Variants in TMEM163 observed in about 807,000 individuals in gnomAD.
TMEM163 encodes transmembrane protein 163.
In TMEM163, 17 loss-of-function variants were observed where a neutral mutation model predicts 29.3. The ratio of observed to expected loss-of-function variants is 0.58; its 90% CI spans 0.40 to 0.87. TMEM163 has a LOEUF of 0.87. TMEM163 is among the 40% of genes least tolerant of loss of function. The probability of loss-of-function intolerance (pLI) is 0.00; values close to 1 mark genes in which losing one functional copy is unlikely to be tolerated. For synonymous variants in TMEM163, 157 were observed against 160.6 expected (o/e 0.98, Z 0.17); for missense variants, 303 against 381.5 (o/e 0.79, Z 1.71).
At chr2:134,530,889 C>T (rs923730568) in intron 4 of TMEM163, among the ~76,000 whole-genome samples, 8 of 152,302 alleles carry the variant, frequency 5.3e-5, no homozygotes, top group Middle Eastern at 3.4e-3. Context: ...GCACACACAA[C>T]ACACACCCTT....
intron 2 of TMEM163, among the ~76,000 whole-genome samples, chr2:134,665,985 C>A (rs939262714): frequency 1.3e-5 from 2 of 152,196 alleles, no homozygotes; most frequent in Non-Finnish European, 2.9e-5. Flanking sequence ...AAGCCTCTTT[C>A]TTAATGATGT....
intron 2 of TMEM163, among the ~76,000 whole-genome samples, chr2:134,572,415 C>T (rs1681452754): frequency 6.6e-6 from 1 of 152,184 alleles, no homozygotes; most frequent in Non-Finnish European, 1.5e-5. Flanking sequence ...AATATTCTAC[C>T]ACTATCCCTC....
chr2:134,676,555 T>C (rs906880754), intron 2 of TMEM163, among the ~76,000 whole-genome samples: 5 of 152,300 alleles, frequency 3.3e-5, no homozygotes, highest in African/African-American at 4.8e-5. Context: ...TCAATGGTTT[T>C]TAGTGTATTC....
chr2:134,566,788 T>G (rs1032485291), intron 2 of TMEM163, among the ~76,000 whole-genome samples: 4 of 152,198 alleles, frequency 2.6e-5, no homozygotes, highest in African/African-American at 9.7e-5. Flanking sequence ...TTATTACAGA[T>G]GTATAACAAC....
intron 2 of TMEM163, among the ~76,000 whole-genome samples, chr2:134,612,920 C>T (rs1435317323): frequency 3.9e-5 from 6 of 152,180 alleles, no homozygotes; most frequent in Non-Finnish European, 5.9e-5. Context: ...TTAATAAAAA[C>T]TGTCTCAGAG....
At chr2:134,535,226 T>G (rs1483625293) in intron 4 of TMEM163, among the ~76,000 whole-genome samples, 5 of 152,178 alleles carry the variant, frequency 3.3e-5, no homozygotes, top group African/African-American at 1.2e-4. Flanking sequence ...ACAGGTGACT[T>G]CCACGCCACT....
intron 2 of TMEM163, among the ~76,000 whole-genome samples, chr2:134,628,748 G>T (rs1574292540): frequency 6.6e-6 from 1 of 152,328 alleles, no homozygotes; most frequent in East Asian, 1.9e-4. Context: ...TGTGCCATGT[G>T]CCGTCTCCCT....
rs1227187806 is a variant in TMEM163 at position 134,706,101 on chromosome 2, A to T, written c.322+7099T>A. The stretch of plus-strand genomic sequence containing the variant: ...CACTCCTGGCTGGAAACAGCAGCCC[A>T]CTGTGAGCGGAGACTCAGGAAGATG... On this transcript the variant is annotated intron_variant, in intron 2 of 7. Transcript: ENST00000281924. 2.0e-5 allele frequency among the ~76,000 whole-genome samples: 3 copies of T among 152,212 alleles called. No individual in the cohort carries two copies. In the East Asian group the frequency reaches 5.8e-4, roughly 29 times the overall value.
intron 4 of TMEM163, among the ~76,000 whole-genome samples, chr2:134,525,230 C>T (rs1463434641): frequency 6.6e-6 from 1 of 152,206 alleles, no homozygotes; most frequent in Non-Finnish European, 1.5e-5. Context: ...TCTGCATCAC[C>T]TGGGAGCTTG....
intron 2 of TMEM163, among the ~76,000 whole-genome samples, chr2:134,666,914 G>A (rs761388912): frequency 2.0e-5 from 3 of 152,120 alleles, no homozygotes; most frequent in Non-Finnish European, 4.4e-5. Flanking sequence ...CAGAGACATC[G>A]TCCTGGGAGG....
intron 2 of TMEM163, among the ~76,000 whole-genome samples, chr2:134,617,299 A>G (rs552845538): frequency 6.6e-6 from 1 of 152,342 alleles, no homozygotes. Context: ...AGAAACACTC[A>G]ATAAGTGGAG....
intron 4 of TMEM163, among the ~76,000 whole-genome samples, chr2:134,539,704 A>G (rs1049962001): frequency 1.5e-4 from 23 of 152,262 alleles, no homozygotes; most frequent in African/African-American, 5.3e-4. Context: ...GCAAAATCAA[A>G]TAGAATTTTC....
chr2:134,690,994 C>T (rs1008819660), intron 2 of TMEM163, among the ~76,000 whole-genome samples: 1 of 152,112 alleles, frequency 6.6e-6, no homozygotes, highest in South Asian at 2.1e-4. Flanking sequence ...GGTGACAAAA[C>T]GGAGGAGATC....
chr2:134,685,519 A>C (rs1684333334), intron 2 of TMEM163, among the ~76,000 whole-genome samples: 1 of 152,364 alleles, frequency 6.6e-6, no homozygotes, highest in Non-Finnish European at 1.5e-5. Flanking sequence ...TTTATGAGTA[A>C]TAAAGCATAA....
At chr2:134,473,981 A>G (rs891822690) in intron 5 of TMEM163, among the ~76,000 whole-genome samples, 2 of 152,198 alleles carry the variant, frequency 1.3e-5, no homozygotes, top group African/African-American at 4.8e-5. Context: ...CTTTCAGAAA[A>G]AAAAAGATAA....
At chr2:134,565,460 G>T (rs1681280285) in intron 2 of TMEM163, among the ~76,000 whole-genome samples, 1 of 152,024 alleles carries the variant, frequency 6.6e-6, no homozygotes, top group African/African-American at 2.4e-5. Context: ...ACAAAAATTA[G>T]CCAGGCGTGG....
intron 4 of TMEM163, among the ~76,000 whole-genome samples, chr2:134,512,099 C>T (rs144431293): frequency 6.6e-6 from 1 of 152,298 alleles, no homozygotes; most frequent in Non-Finnish European, 1.5e-5. Flanking sequence ...TGTGCATTAG[C>T]TACGAGGACA....
At chr2:134,630,258 AT>A (rs1682937051) in intron 2 of TMEM163, among the ~76,000 whole-genome samples, 1 of 151,908 alleles carries the variant, frequency 6.6e-6, no homozygotes, top group Non-Finnish European at 1.5e-5. Flanking sequence ...ACAACACATG[AT>A]AAGTCTCTAG....
chr2:134,535,725 T>TTTG (rs1558937190), intron 4 of TMEM163, among the ~76,000 whole-genome samples: 3 of 145,986 alleles, frequency 2.1e-5, no homozygotes, highest in Non-Finnish European at 4.4e-5. Context: ...TGGTTTTTTT[T>TTTG]TTTGTTTGTT....
Sources: gnomAD v4.1 joint callset for allele counts (sites outside exome capture counted in the v4.1 genomes callset) on GRCh38, gnomAD v4.1.1 for gene constraint, MANE v1.5 for transcripts, NCBI Gene and HGNC (gene_info 2026-07-23, HGNC 2026-07-21) for gene names.